The following KCTD15 variants were observed in gnomAD, a reference collection of about 807,000 sequenced individuals.
KCTD15 encodes potassium channel tetramerization domain containing 15, also known as BTB/POZ domain-containing protein KCTD15.
In KCTD15, 11 loss-of-function variants were observed where a neutral mutation model predicts 27.2. The ratio of observed to expected loss-of-function variants is 0.41; its 90% CI spans 0.25 to 0.67. KCTD15 has a LOEUF of 0.67. Ranked by LOEUF, KCTD15 falls within the 30% of genes least tolerant of loss-of-function variation. The pLI, the probability that KCTD15 is intolerant of heterozygous loss-of-function variation, is 0.35. For synonymous variants in KCTD15, 163 were observed against 176.0 expected (o/e 0.93, Z 0.58); for missense variants, 350 against 409.3 (o/e 0.86, Z 1.25).
chr19:33,811,191 T>TCCCCCCCCCCCCCCC, intron 5 of KCTD15, 56 bp from the exon 6 acceptor site: 1 of 614,998 alleles, frequency 1.6e-6, no homozygotes, highest in South Asian at 1.9e-5. Context: ...CTCTCCCCCT[T>TCCCCCCCCCCCCCCC]CCCCCACCAC....
At chr19:33,801,410 G>C in intron 4 of KCTD15, 68 bp downstream of exon 4, 4 of 1,403,482 alleles carry the variant, frequency 2.9e-6, no homozygotes, top group Non-Finnish European at 3.8e-6. Flanking sequence ...CTGCTGCCTA[G>C]GGGGTGGGGT....
chr19:33,812,031 C>T (rs1249176485), intron 6 of KCTD15: 1 of 1,423,824 alleles, frequency 7.0e-7, no homozygotes, highest in African/African-American at 1.5e-5. Flanking sequence ...TTGGACAGCT[C>T]AGATGGAGTG....
intron 5 of KCTD15, among the ~76,000 whole-genome samples, chr19:33,808,007 A>G (rs549824704): frequency 5.0e-4 from 76 of 152,252 alleles, no homozygotes; most frequent in African/African-American, 1.8e-3. Context: ...CCTGATGACC[A>G]AACAGATACC....
At position 33,812,896 on chromosome 19, in the gene KCTD15, G is replaced by A. The variant is rs1173289536; in HGVS notation, c.800G>A (p.Arg267Gln). The change falls in exon 7 of 7, where the codon CGG becomes CAG. Residue 267 changes from arginine to glutamine, a missense_variant. Around this residue, in one of 3 missense-constraint regions of KCTD15, gnomAD observed 219 missense variants for 234.9 expected, o/e 0.93. Coordinates refer to ENST00000683859, the MANE Select transcript of KCTD15 (RefSeq NM_001129994.2). The part of the protein sequence containing the change: ...SEYVLCREER[R>Q]PQPTPTAVRI... The stretch of plus-strand genomic sequence containing the variant: ...TATGTGCTTTGCCGGGAGGAGCGGC[G>A]GCCGCAGCCCACCCCCACTGCTGTT... 1.2e-5 allele frequency: 18 copies of A among 1,549,854 alleles called. No homozygotes were observed. The highest frequency in any genetic ancestry group is 3.9e-5 in the Admixed American group (2 of 50,846).
Position 33,813,041 on chromosome 19 carries a change from C to G in KCTD15, c.*93C>G, listed in dbSNP as rs758850943. ...GTATACTTGGCCGTGGGCATGAGAC[C>G]GAGGGTGAGGCTGGAGGGTCCAAAG... is the stretch of plus-strand genomic sequence containing the variant. On this transcript the variant is annotated 3_prime_UTR_variant, in exon 7 of 7. Transcript: ENST00000683859. The G allele has an allele frequency of 2.5e-5, 33 of 1,328,912 alleles. No homozygotes were observed. The African/African-American group carries it at 2.6e-4, about 10-fold the overall frequency. 82.3% of individuals were successfully genotyped at this position (1,328,912 alleles called of 1,614,324 possible).
chr19:33,797,945 G>A (rs1387518300), intron 1 of KCTD15, among the ~76,000 whole-genome samples: 1 of 152,152 alleles, frequency 6.6e-6, no homozygotes, highest in African/African-American at 2.4e-5. Context: ...TCCCCGCCCC[G>A]CCTCCGCGGC....
chr19:33,812,761 C>T (rs1975966036), intron 6 of KCTD15, 29 bp from the exon 7 acceptor site: 1 of 1,414,852 alleles, frequency 7.1e-7, no homozygotes, highest in African/African-American at 1.5e-5. Flanking sequence ...GCAGCTTGGC[C>T]TTGATGACCT....
At chr19:33,795,847 C>T (rs1467465557), upstream of KCTD15, 1 of 152,030 alleles carries the variant, frequency 6.6e-6, no homozygotes, top group Non-Finnish European at 1.5e-5. Context: ...CGCGTCTAGC[C>T]GCGAGCGGTC....
chr19:33,813,186 C>A lies in KCTD15; in HGVS notation c.*238C>A, dbSNP rs748831700. On this transcript the variant is annotated 3_prime_UTR_variant, in exon 7 of 7. Coordinates refer to ENST00000683859, the MANE Select transcript of KCTD15 (RefSeq NM_001129994.2). ...GATACAGCGGTGGGATCTCTGCTGC[C>A]AGCTCTCCCAGCCCCTCAGCTTCGC... 6 of 621,256 alleles carry A rather than the reference C, an allele frequency of 9.7e-6. No individual in the cohort carries two copies. The African/African-American group carries it at 1.1e-4, about 11-fold the overall frequency. The allele number at this position is 621,256 out of a possible 1,614,324, so 38.5% of individuals were successfully genotyped here.
At chr19:33,812,119 G>A (rs1975944331) in intron 6 of KCTD15, 4 of 1,288,304 alleles carry the variant, frequency 3.1e-6, no homozygotes, top group Non-Finnish European at 3.9e-6. Context: ...GGGCTTTGCA[G>A]GGAAGAGGGC....
intron 1 of KCTD15, among the ~76,000 whole-genome samples, 160 bp downstream of exon 1, chr19:33,797,147 G>A (rs1304308409): frequency 6.6e-6 from 1 of 151,988 alleles, no homozygotes; most frequent in African/African-American, 2.4e-5. Context: ...GGGGTGCCCA[G>A]CACAAAGGCC....
upstream of KCTD15, among the ~76,000 whole-genome samples, chr19:33,795,456 G>A (rs557489550): frequency 7.3e-4 from 111 of 152,066 alleles, 2 homozygotes; most frequent in South Asian, 0.021. Flanking sequence ...CCCCGGGAGT[G>A]CGGCCGCTAG....
chr19:33,799,605 A>G (rs919652059), intron 2 of KCTD15: 1 of 152,218 alleles, frequency 6.6e-6, no homozygotes, highest in African/African-American at 2.4e-5. Context: ...TGACTACGGC[A>G]CAGAGGAGAG....
At chr19:33,806,747 G>A in intron 4 of KCTD15, 116 bp from the exon 5 acceptor site, 1 of 1,188,186 alleles carries the variant, frequency 8.4e-7, no homozygotes, top group Non-Finnish European at 1.2e-6. Context: ...AGTCACCCAT[G>A]TCAGGTCCCT....
chr19:33,795,120 A>T (rs183201520), upstream of KCTD15, among the ~76,000 whole-genome samples: 2 of 152,270 alleles, frequency 1.3e-5, no homozygotes, highest in Non-Finnish European at 2.9e-5. Context: ...GCATCTTTGT[A>T]AGCTATTTAA....
upstream of KCTD15, among the ~76,000 whole-genome samples, chr19:33,795,271 G>A (rs1975280319): frequency 6.6e-6 from 1 of 152,182 alleles, no homozygotes; most frequent in African/African-American, 2.4e-5. Flanking sequence ...TCCCTTAGGA[G>A]GAAAGTTTCG....
rs1342751760 is a variant in KCTD15 at position 33,806,933 on chromosome 19, C to T, written c.313C>T (p.Arg105Trp). 4 of 1,614,022 alleles carry T rather than the reference C, an allele frequency of 2.5e-6. No homozygotes were observed. The highest frequency in any genetic ancestry group is 1.7e-5 in the Admixed American group (1 of 60,002). ...TTTGAAGCAACATTATTTCATTGAC[C>T]GGGATGGGGAGATTTTCCGCTACGT... ...DSLKQHYFID[R>W]DGEIFRYVLS... Residue 105 changes from arginine (R) to tryptophan (W), a missense_variant, in exon 5 of 7, where the codon CGG (arginine) becomes TGG (tryptophan). By Grantham distance (101) the Arg-to-Trp change is moderately radical. Coordinates refer to ENST00000683859, the MANE Select transcript of KCTD15 (RefSeq NM_001129994.2).
At chr19:33,797,671 G>A (rs1270100658) in intron 1 of KCTD15, among the ~76,000 whole-genome samples, 3 of 150,556 alleles carry the variant, frequency 2.0e-5, no homozygotes, top group African/African-American at 7.2e-5. Context: ...ACACCCGGGG[G>A]CGGACCCCCG....
chr19:33,812,498 C>G (rs1202757134), intron 6 of KCTD15: 2 of 1,215,088 alleles, frequency 1.6e-6, no homozygotes, highest in Non-Finnish European at 2.0e-6. Context: ...CCCAAAGCCT[C>G]TTTTTGCCTC....
Sources: gnomAD v4.1 joint callset for allele counts (sites outside exome capture counted in the v4.1 genomes callset) on GRCh38, gnomAD v4.1.1 for gene constraint, gnomAD v4.1.1 regional missense constraint, MANE v1.5 for transcripts, NCBI Gene and HGNC (gene_info 2026-07-23, HGNC 2026-07-21) for gene names.